GNPTAB: variants seen among roughly 807,000 people sequenced by gnomAD.
GNPTAB encodes N-acetylglucosamine-1-phosphotransferase subunits alpha/beta.
Under a neutral mutation model 136.6 loss-of-function variants are expected in GNPTAB, and 92 were observed. That is an observed-to-expected ratio of 0.67 (90% CI 0.57 to 0.80). The LOEUF is 0.80. GNPTAB is among the 30% of genes least tolerant of loss of function. The pLI, the probability that GNPTAB is intolerant of heterozygous loss-of-function variation, is 0.00. For synonymous variants in GNPTAB, 512 were observed against 535.1 expected (o/e 0.96, Z 0.60); for missense variants, 1,343 against 1,501.8 (o/e 0.89, Z 1.75).
chr12:101,793,994 C>T (rs902436950), intron 2 of GNPTAB, among the ~76,000 whole-genome samples: 1 of 152,164 alleles, frequency 6.6e-6, no homozygotes, highest in African/African-American at 2.4e-5. Context: ...TAGGCAACCA[C>T]CACCGCCCTG....
At chr12:101,749,252 A>G in intron 19 of GNPTAB, 61 bp from the exon 20 acceptor site, 1 of 942,572 alleles carries the variant, frequency 1.1e-6, no homozygotes, top group South Asian at 1.3e-5. Context: ...CCATTAGTTA[A>G]GCATTATTTA....
At chr12:101,774,203 A>G (rs1406313842) in intron 7 of GNPTAB, among the ~76,000 whole-genome samples, 1 of 152,234 alleles carries the variant, frequency 6.6e-6, no homozygotes, top group Non-Finnish European at 1.5e-5. Context: ...CTGGTGGATC[A>G]ATTTGAGTCA....
intron 7 of GNPTAB, 36 bp downstream of exon 7, chr12:101,780,116 G>T (rs564604362): frequency 1.3e-6 from 2 of 1,592,598 alleles, no homozygotes; most frequent in Admixed American, 3.3e-5. Flanking sequence ...AAATGAGAAT[G>T]TGCCAGGCTA....
chr12:101,754,117 G>A (rs752483338), intron 18 of GNPTAB, among the ~76,000 whole-genome samples: 4 of 151,316 alleles, frequency 2.6e-5, no homozygotes, highest in Admixed American at 6.6e-5. Flanking sequence ...AAGACAATCC[G>A]TAAGTACCTA....
intron 3 of GNPTAB, among the ~76,000 whole-genome samples, chr12:101,789,485 CTT>C (rs1868856841): frequency 6.6e-6 from 1 of 151,980 alleles, no homozygotes; most frequent in South Asian, 2.1e-4. Context: ...GTTTTGTTCT[CTT>C]TTCTTTTTCT....
intron 1 of GNPTAB, among the ~76,000 whole-genome samples, chr12:101,808,657 A>G (rs1870067167): frequency 6.6e-6 from 1 of 152,196 alleles, no homozygotes; most frequent in African/African-American, 2.4e-5. Context: ...TACTAATTAA[A>G]AACTTCTGGC....
chr12:101,806,051 A>G (rs995424078), intron 1 of GNPTAB, among the ~76,000 whole-genome samples: 2 of 152,246 alleles, frequency 1.3e-5, no homozygotes, highest in African/African-American at 4.8e-5. Flanking sequence ...TAATTTTCTC[A>G]GTCAATAAAT....
At position 101,765,168 on chromosome 12, in the gene GNPTAB, A is replaced by G; in HGVS notation, c.1749T>C (p.Asn583=). The G allele has an allele frequency of 6.2e-7, 1 of 1,614,146 alleles. No homozygotes were observed. The highest frequency in any genetic ancestry group is 1.1e-5 in the South Asian group (1 of 91,084). Residue 583 remains asparagine, a synonymous_variant, in exon 13 of 21, where the codon AAT becomes AAC. Transcript: ENST00000299314. The part of the protein sequence containing the change: ...KRGVEGAYSD[N]PIIRHASIAN... ...CAATAGAAGCATGTCGAATTATTGG[A>G]TTGTCACTATAGGCACCTTCAACTC...
chr12:101,764,331 CATTCTACTG>C lies in GNPTAB; in HGVS notation c.2577_2585del (p.Asn859_Met862delinsLys). The C allele has an allele frequency of 6.2e-7, 1 of 1,614,038 alleles. No individual in the cohort carries two copies. The highest frequency in any genetic ancestry group is 1.3e-5 in the African/African-American group (1 of 75,018). ...CTATGTGATTTTCAGCATTTTCCTCCATTCTACTGTTCTCTTTTTCTTTCCCTGTGATTT... is the reference window on the plus strand; with the variant it reads ...CTATGTGATTTTCAGCATTTTCCTCCTTCTCTTTTTCTTTCCCTGTGATTT... On this transcript the variant is annotated inframe_deletion, in exon 13 of 21. Coordinates refer to ENST00000299314, the MANE Select transcript of GNPTAB (RefSeq NM_024312.5).
At chr12:101,784,984 T>C (rs1868552040) in intron 5 of GNPTAB, among the ~76,000 whole-genome samples, 1 of 152,198 alleles carries the variant, frequency 6.6e-6, no homozygotes, top group Non-Finnish European at 1.5e-5. Context: ...ATGGGATCTC[T>C]AAGGATGTGG....
chr12:101,802,365 TG>T (rs1399593471), intron 1 of GNPTAB, among the ~76,000 whole-genome samples: 3 of 152,162 alleles, frequency 2.0e-5, no homozygotes, highest in African/African-American at 7.2e-5. Context: ...CAGAGGTTAC[TG>T]GGGACCCTCA....
At chr12:101,784,753 T>C (rs12818494) in intron 5 of GNPTAB, among the ~76,000 whole-genome samples, 1 of 151,314 alleles carries the variant, frequency 6.6e-6, no homozygotes, top group Non-Finnish European at 1.5e-5. Context: ...GAGTCAAAGA[T>C]GGTTCCAAAG....
intron 1 of GNPTAB, among the ~76,000 whole-genome samples, chr12:101,811,459 CTG>C (rs1185689411): frequency 1.3e-5 from 2 of 150,742 alleles, no homozygotes; most frequent in African/African-American, 4.9e-5. Flanking sequence ...CTACCTAAGA[CTG>C]AGTAATTTAT....
chr12:101,760,134 C>G lies in GNPTAB; in HGVS notation c.3145G>C (p.Gly1049Arg). The G allele has an allele frequency of 6.3e-7, 1 of 1,580,378 alleles. No homozygotes were observed. The highest frequency in any genetic ancestry group is 8.7e-7 in the Non-Finnish European group (1 of 1,149,382). Residue 1049 changes from glycine to arginine, a missense_variant, in exon 16 of 21, where the codon GGT becomes CGT. Physicochemically the swap from Gly to Arg is moderately radical, Grantham distance 125 (BLOSUM62 -2). Coordinates refer to ENST00000299314, the MANE Select transcript of GNPTAB (RefSeq NM_024312.5). Reference protein sequence around the residue: ...ELPLSLQDLTGLEHMLINCSK... With the variant: ...ELPLSLQDLTRLEHMLINCSK... Reference sequence around the variant, plus strand: ...CAATTTATTAGCATGTGTTCCAGACCTGTCAAATCCTAACAAAGAAAAAGA... The same window carrying G: ...CAATTTATTAGCATGTGTTCCAGACGTGTCAAATCCTAACAAAGAAAAAGA...
Position 101,753,532 on chromosome 12 carries a change from C to G in GNPTAB, c.3442G>C (p.Val1148Leu). 1.2e-6 allele frequency: 2 copies of G among 1,613,468 alleles called. No individual in the cohort carries two copies. The highest frequency in any genetic ancestry group is 1.7e-6 in the Non-Finnish European group (2 of 1,179,416). The change falls in exon 19 of 21, where the codon GTT becomes CTT. Residue 1148 changes from valine to leucine, a missense_variant. Physicochemically the swap from Val to Leu is conservative, Grantham distance 32. Transcript: ENST00000299314. ...TGGTCAATGTTGTCATTCAGGCAAA[C>G]AAACTTCCTGAAATAACAGAGAGCC... ...DDIRKNPRKF[V>L]CLNDNIDHNH...
chr12:101,746,335 C>T lies in GNPTAB; in HGVS notation c.*829G>A, dbSNP rs1234069560. The T allele has an allele frequency of 6.6e-6, 1 of 152,206 alleles. No individual in the cohort carries two copies. The highest frequency in any genetic ancestry group is 6.5e-5 in the Admixed American group (1 of 15,280). 9.4% of individuals were successfully genotyped at this position (152,206 alleles called of 1,614,324 possible). ...CTGGAATATACCAATGAGTATTAAA[C>T]AAGACACCACTGTAATGTGCCAGTG... is the stretch of plus-strand genomic sequence containing the variant. On this transcript the variant is annotated 3_prime_UTR_variant, in exon 21 of 21. Coordinates refer to ENST00000299314, the MANE Select transcript of GNPTAB (RefSeq NM_024312.5).
At chr12:101,808,798 A>C (rs1410535318) in intron 1 of GNPTAB, among the ~76,000 whole-genome samples, 2 of 151,716 alleles carry the variant, frequency 1.3e-5, no homozygotes, top group African/African-American at 2.4e-5. Context: ...AAAATACAAA[A>C]TTAGCTGGGC....
chr12:101,779,571 T>A (rs1953308847), intron 7 of GNPTAB: 1 of 155,388 alleles, frequency 6.4e-6, no homozygotes, highest in Admixed American at 6.3e-5. Flanking sequence ...TGTCCCTCAA[T>A]TAGTTACTAA....
chr12:101,816,593 G>A (rs1648808411), intron 1 of GNPTAB, among the ~76,000 whole-genome samples: 2 of 152,230 alleles, frequency 1.3e-5, no homozygotes, highest in Non-Finnish European at 1.5e-5. Context: ...TACTCTGTTA[G>A]TGGGAATGTA....
Sources: allele counts gnomAD v4.1 joint callset (sites outside exome capture counted in the v4.1 genomes callset), GRCh38; gene constraint gnomAD v4.1.1; transcripts MANE v1.5; gene names NCBI Gene and HGNC (gene_info 2026-07-23, HGNC 2026-07-21).